Variants in ASTN2 observed in about 807,000 individuals in gnomAD.
ASTN2 encodes astrotactin-2.
A neutral mutation model predicts 139.8 loss-of-function variants in ASTN2; 54 were observed. The observed-to-expected ratio is 0.39, with a 90% confidence interval of 0.31 to 0.48. The LOEUF is 0.48. Among genes scored for constraint, ASTN2 ranks in the 20% least tolerant of loss-of-function variants. ASTN2 has a pLI of 0.95. For synonymous variants in ASTN2, 756 were observed against 719.5 expected (o/e 1.05, Z -0.81); for missense variants, 1,565 against 1,725.1 (o/e 0.91, Z 1.64).
chr9:116,972,930 T>C (rs1836250073), intron 10 of ASTN2, among the ~76,000 whole-genome samples: 1 of 152,230 alleles, frequency 6.6e-6, no homozygotes, highest in Non-Finnish European at 1.5e-5. Flanking sequence ...TGGCTATCTA[T>C]AATTATGATC....
intron 22 of ASTN2, chr9:116,437,304 T>C: frequency 2.1e-6 from 1 of 471,292 alleles, no homozygotes; most frequent in Non-Finnish European, 4.4e-6. Context: ...GTGAGCTTAT[T>C]AGCAGCACCA....
At chr9:117,336,321 T>A (rs1042824607) in intron 1 of ASTN2, among the ~76,000 whole-genome samples, 1 of 152,144 alleles carries the variant, frequency 6.6e-6, no homozygotes, top group African/African-American at 2.4e-5. Context: ...ATGCTGGGAT[T>A]AATTTGCTCT....
At chr9:116,596,780 G>T (rs909338635) in intron 19 of ASTN2, among the ~76,000 whole-genome samples, 4 of 152,122 alleles carry the variant, frequency 2.6e-5, no homozygotes, top group Non-Finnish European at 5.9e-5. Context: ...GTCAGGAAAG[G>T]CTTTCTGTGC....
Position 116,470,447 on chromosome 9 carries a change from C to T in ASTN2, c.3497+16912G>A, listed in dbSNP as rs546878551. Among the ~76,000 whole-genome samples the T allele has an allele frequency of 2.6e-5, 4 of 152,244 alleles. No homozygotes were observed. In the East Asian group the frequency reaches 7.7e-4, roughly 29 times the overall value. ...CTGAGTTCACATCCTGGCTCTGCTA[C>T]TGACTTGTGGCATGGCTTTTGGTAA... On this transcript the variant is annotated intron_variant, in intron 20 of 22. Transcript: ENST00000313400.
intron 16 of ASTN2, among the ~76,000 whole-genome samples, chr9:116,659,103 C>G (rs1858404057): frequency 6.6e-6 from 1 of 152,156 alleles, no homozygotes; most frequent in African/African-American, 2.4e-5. Context: ...CTTGTTTTCA[C>G]AGACTATATT....
intron 5 of ASTN2, among the ~76,000 whole-genome samples, chr9:117,080,537 A>C (rs1828399465): frequency 6.6e-6 from 1 of 152,220 alleles, no homozygotes; most frequent in Non-Finnish European, 1.5e-5. Flanking sequence ...GGTTGCAAGG[A>C]TAAGAAAGAG....
intron 20 of ASTN2, among the ~76,000 whole-genome samples, chr9:116,443,828 A>G (rs1378466768): frequency 6.6e-6 from 1 of 152,140 alleles, no homozygotes; most frequent in Non-Finnish European, 1.5e-5. Context: ...ATTAAGTAGA[A>G]GAGACTAGGG....
At chr9:116,535,847 T>A (rs1458931159) in intron 19 of ASTN2, among the ~76,000 whole-genome samples, 2 of 152,198 alleles carry the variant, frequency 1.3e-5, no homozygotes, top group Non-Finnish European at 2.9e-5. Flanking sequence ...GAGTTGTTCT[T>A]CTTGAGGATT....
chr9:117,238,207 T>C (rs1418882655), intron 2 of ASTN2, among the ~76,000 whole-genome samples: 2 of 152,164 alleles, frequency 1.3e-5, no homozygotes, highest in African/African-American at 4.8e-5. Context: ...CTCTGTGCAC[T>C]GGCTCTCCTG....
At chr9:116,888,986 A>T (rs1349275036) in intron 10 of ASTN2, among the ~76,000 whole-genome samples, 1 of 152,152 alleles carries the variant, frequency 6.6e-6, no homozygotes, top group African/African-American at 2.4e-5. Flanking sequence ...GCTAAGGATA[A>T]TGGCTTCCAG....
At chr9:117,075,672 C>T (rs1828263326) in intron 5 of ASTN2, among the ~76,000 whole-genome samples, 1 of 152,088 alleles carries the variant, frequency 6.6e-6, no homozygotes, top group Non-Finnish European at 1.5e-5. Flanking sequence ...AGTCAGAGAG[C>T]CTAATATTTA....
intron 19 of ASTN2, among the ~76,000 whole-genome samples, chr9:116,493,439 G>A (rs1470509346): frequency 6.6e-6 from 1 of 152,186 alleles, no homozygotes; most frequent in Non-Finnish European, 1.5e-5. Context: ...TGTAACCCGA[G>A]TGGGCTGGGG....
intron 1 of ASTN2, among the ~76,000 whole-genome samples, chr9:117,307,755 T>G (rs1035106119): frequency 6.6e-6 from 1 of 152,186 alleles, no homozygotes; most frequent in Non-Finnish European, 1.5e-5. Context: ...CAAGCCCTCA[T>G]GTGTGTCCTC....
At chr9:116,790,958 A>G (rs1390463054) in intron 13 of ASTN2, among the ~76,000 whole-genome samples, 30 of 127,536 alleles carry the variant, frequency 2.4e-4, no homozygotes, top group African/African-American at 9.7e-4. Flanking sequence ...AAGAAAGAAA[A>G]GAAAGAAGGA....
chr9:117,287,754 A>G (rs887606383), intron 2 of ASTN2, among the ~76,000 whole-genome samples: 1 of 152,186 alleles, frequency 6.6e-6, no homozygotes. Context: ...ATGTCTTTTT[A>G]CTCCTAAGTT....
rs115323011 is a variant in ASTN2, at chr9:117,349,527, G to A, written c.443-58014C>T. Among the ~76,000 whole-genome samples the A allele has an allele frequency of 7.3e-3, 1,109 of 152,160 alleles. 9 individuals are homozygous for A. The highest frequency in any genetic ancestry group is 0.026 in the African/African-American group (1,076 of 41,500). The stretch of plus-strand genomic sequence containing the variant: ...CATGCTGTGGAGAGAGGAACACAAA[G>A]GTTCAGAAAAAATACTGAAAAAGAA... On this transcript the variant is annotated intron_variant, in intron 1 of 22. Coordinates refer to ENST00000313400, the MANE Select transcript of ASTN2 (RefSeq NM_001365068.1).
In ASTN2 at chr9:117,290,222, A is replaced by T. The variant is rs371039625; in HGVS notation, c.630+1104T>A. ...ATCTGGCAGAGCCGTACTAAAGAAG[A>T]AAAGGAGAAGTGAATGTAAGAGGGG... is the stretch of plus-strand genomic sequence containing the variant. On this transcript the variant is annotated intron_variant, in intron 2 of 22. Coordinates refer to ENST00000313400, the MANE Select transcript of ASTN2 (RefSeq NM_001365068.1). 4.6e-5 allele frequency among the ~76,000 whole-genome samples: 7 copies of T among 152,308 alleles called. No individual in the cohort carries two copies. In the East Asian group the frequency reaches 9.7e-4, roughly 21 times the overall value.
At chr9:117,003,953 C>CGCGT (rs1218309835) in intron 7 of ASTN2, among the ~76,000 whole-genome samples, 96 of 146,286 alleles carry the variant, frequency 6.6e-4, no homozygotes, top group African/African-American at 2.2e-3. Context: ...CGCGCGCGCG[C>CGCGT]GTGTGTGTGT....
At chr9:116,563,297 C>T (rs62576078) in intron 19 of ASTN2, among the ~76,000 whole-genome samples, 17,620 of 151,470 alleles carry the variant, frequency 0.12, 1,165 homozygotes, top group Middle Eastern at 0.18. Flanking sequence ...ATGGTGTGAA[C>T]CCGGGAGGCA....
Sources: gnomAD v4.1 joint callset for allele counts (sites outside exome capture counted in the v4.1 genomes callset) on GRCh38, gnomAD v4.1.1 for gene constraint, MANE v1.5 for transcripts, NCBI Gene and HGNC (gene_info 2026-07-23, HGNC 2026-07-21) for gene names.